IL1RAPL2: variants seen among roughly 807,000 people sequenced by gnomAD.
IL1RAPL2 encodes interleukin 1 receptor accessory protein like 2.
A neutral mutation model predicts 44.1 loss-of-function variants in IL1RAPL2; 3 were observed. The ratio of observed to expected loss-of-function variants is 0.07; its 90% CI spans 0.03 to 0.18. IL1RAPL2 has a LOEUF of 0.18. Among genes scored for constraint, IL1RAPL2 ranks in the 10% least tolerant of loss-of-function variants. The pLI is 1.00. For synonymous variants in IL1RAPL2, 181 were observed against 178.8 expected, an observed-to-expected ratio of 1.01 and a Z score of -0.10; for missense variants, 391 against 496.4, an observed-to-expected ratio of 0.79 and a Z score of 2.02.
intron 5 of IL1RAPL2, among the ~76,000 whole-genome samples, chrX:105,480,282 T>A (rs993004414): frequency 1.1e-4 from 12 of 112,245 alleles, no homozygotes; most frequent in African/African-American, 3.6e-4. Flanking sequence ...TACATATAGA[T>A]AAAATCATTG....
At chrX:105,501,059 A>G (rs749055825) in intron 6 of IL1RAPL2, among the ~76,000 whole-genome samples, 1 of 111,973 alleles carries the variant, frequency 8.9e-6, no homozygotes, top group African/African-American at 3.2e-5. Flanking sequence ...AACTGATAGT[A>G]TTTGCTTCAA....
At chrX:105,565,776 G>T (rs764894411) in intron 6 of IL1RAPL2, among the ~76,000 whole-genome samples, 2 of 112,131 alleles carry the variant, frequency 1.8e-5, no homozygotes, top group South Asian at 7.4e-4. Context: ...CACAGATTCT[G>T]TTGTTTTGTA....
At chrX:105,332,248 A>G (rs951223167) in intron 5 of IL1RAPL2, among the ~76,000 whole-genome samples, 4 of 110,086 alleles carry the variant, frequency 3.6e-5, no homozygotes, top group Non-Finnish European at 5.7e-5. Context: ...TAAGTCTTCA[A>G]TTTGGTTCAC....
chrX:104,615,059 G>A (rs1332299510), intron 1 of IL1RAPL2, among the ~76,000 whole-genome samples: 2 of 111,388 alleles, frequency 1.8e-5, no homozygotes, highest in African/African-American at 6.5e-5. Flanking sequence ...TTTGTATTGT[G>A]TGGTTGCTTT....
intron 10 of IL1RAPL2, among the ~76,000 whole-genome samples, chrX:105,764,146 T>C (rs371057634): frequency 1.8e-5 from 2 of 111,473 alleles, no homozygotes; most frequent in Admixed American, 1.9e-4. Flanking sequence ...GACCACTCCC[T>C]CTCTCCAAGG....
intron 2 of IL1RAPL2, among the ~76,000 whole-genome samples, chrX:105,179,977 T>C (rs1160287403): frequency 4.5e-5 from 5 of 110,475 alleles, no homozygotes; most frequent in African/African-American, 1.6e-4. Flanking sequence ...ATGTCTTTTT[T>C]TTTTCTTCTC....
intron 6 of IL1RAPL2, among the ~76,000 whole-genome samples, chrX:105,656,133 C>G (rs891962592): frequency 8.9e-6 from 1 of 111,858 alleles, no homozygotes; most frequent in Admixed American, 9.5e-5. Flanking sequence ...TTCTCAGCCT[C>G]TGGTAACCAA....
chrX:105,640,779 TATAGATATAGATATAGATAGAGAG>T (rs2037563616), intron 6 of IL1RAPL2, among the ~76,000 whole-genome samples: 1 of 97,457 alleles, frequency 1.0e-5, no homozygotes. Flanking sequence ...TAGATATAGA[TATAGATATAGATATAGATAGAGAG>T]AGAGACCGAG....
chrX:105,013,499 G>C (rs1300799355), intron 2 of IL1RAPL2, among the ~76,000 whole-genome samples: 1 of 110,027 alleles, frequency 9.1e-6, no homozygotes, highest in African/African-American at 3.3e-5. Context: ...GCCTACCAGA[G>C]ACAGAGGTAT....
chrX:105,151,781 G>GTA (rs111851738), intron 2 of IL1RAPL2, among the ~76,000 whole-genome samples: 1,365 of 106,927 alleles, frequency 0.013, 15 homozygotes, highest in African/African-American at 0.035. Context: ...AAACTACAGT[G>GTA]TATATATATA....
At chrX:104,827,459 C>G (rs1347566420) in intron 2 of IL1RAPL2, among the ~76,000 whole-genome samples, 1 of 111,579 alleles carries the variant, frequency 9.0e-6, no homozygotes, top group Non-Finnish European at 1.9e-5. Flanking sequence ...GTCCCCCACT[C>G]TCTTCTGGCT....
At position 105,554,900 on chromosome X, in the gene IL1RAPL2, A is replaced by AT. The variant is rs1262113445; in HGVS notation, c.772+70521dup. On this transcript the variant is annotated intron_variant, in intron 6 of 10. Transcript: ENST00000372582. ...TTTCTACATCTGTTTCTATTGACTG[A>AT]TTTTTTTTCCTAGGTAAGCATGACA... Among the ~76,000 whole-genome samples the AT allele has an allele frequency of 8.2e-5, 9 of 110,258 alleles. No homozygotes were observed. In the South Asian group the frequency reaches 1.1e-3, roughly 14 times the overall value.
At chrX:105,645,103 A>G (rs1174824259) in intron 6 of IL1RAPL2, among the ~76,000 whole-genome samples, 1 of 111,722 alleles carries the variant, frequency 9.0e-6, no homozygotes, top group African/African-American at 3.3e-5. Context: ...AACAATTCTC[A>G]GGTTTGATGT....
chrX:105,488,741 TA>T (rs1450752208), intron 6 of IL1RAPL2, among the ~76,000 whole-genome samples: 1 of 112,119 alleles, frequency 8.9e-6, no homozygotes, highest in Non-Finnish European at 1.9e-5. Context: ...TGGTCTGGAA[TA>T]AGTGTTTATG....
intron 2 of IL1RAPL2, among the ~76,000 whole-genome samples, chrX:105,059,737 G>T (rs765823943): frequency 9.0e-6 from 1 of 111,175 alleles, no homozygotes; most frequent in East Asian, 2.8e-4. Flanking sequence ...CACCATGTTG[G>T]CAAGGCTGGT....
intron 2 of IL1RAPL2, among the ~76,000 whole-genome samples, chrX:104,759,448 C>A (rs1261249224): frequency 9.0e-6 from 1 of 111,407 alleles, no homozygotes; most frequent in African/African-American, 3.3e-5. Context: ...TAGGATAATA[C>A]CTGCTTTTTC....
At chrX:104,790,790 G>C (rs1018967120) in intron 2 of IL1RAPL2, among the ~76,000 whole-genome samples, 15 of 111,026 alleles carry the variant, frequency 1.4e-4, no homozygotes, top group African/African-American at 4.6e-4. Context: ...TTTCACAGTG[G>C]TTTATTAGGA....
chrX:105,482,282 AT>A (rs1394570811), intron 5 of IL1RAPL2, among the ~76,000 whole-genome samples: 2 of 112,042 alleles, frequency 1.8e-5, no homozygotes, highest in East Asian at 5.6e-4. Context: ...TGGATTTTAA[AT>A]TCAAACATAT....
chrX:104,815,834 ATTTT>A (rs34144319), intron 2 of IL1RAPL2, among the ~76,000 whole-genome samples: 7 of 86,484 alleles, frequency 8.1e-5, no homozygotes, highest in African/African-American at 1.7e-4. Flanking sequence ...CACCCCCCTC[ATTTT>A]TTTTTTTTTT....
Sources: gnomAD v4.1 joint callset for allele counts (sites outside exome capture counted in the v4.1 genomes callset) on GRCh38, gnomAD v4.1.1 for gene constraint, MANE v1.5 for transcripts, NCBI Gene and HGNC (gene_info 2026-07-23, HGNC 2026-07-21) for gene names.